ATN1: variants seen among roughly 807,000 people sequenced by gnomAD.
ATN1 encodes atrophin 1, also known as atrophin-1.
A neutral mutation model predicts 85.8 loss-of-function variants in ATN1; 19 were observed. The observed-to-expected ratio is 0.22, with a 90% CI of 0.15 to 0.32. The LOEUF (loss-of-function observed/expected upper bound fraction) is 0.32. Among genes scored for constraint, ATN1 ranks in the 10% least tolerant of loss-of-function variants. The pLI, the probability that ATN1 is intolerant of heterozygous loss-of-function variation, is 1.00. For missense variants in ATN1, 1,453 were observed against 1,564.5 expected (o/e 0.93, Z 1.20); for synonymous variants, 674 against 657.0 (o/e 1.03, Z -0.39).
At position 6,938,872 on chromosome 12, in the gene ATN1, C is replaced by T. The variant is rs2138219425; in HGVS notation, c.2909C>T (p.Pro970Leu). The T allele has an allele frequency of 6.2e-7, 1 of 1,614,128 alleles. No individual in the cohort carries two copies. The highest frequency in any genetic ancestry group is 2.2e-5 in the East Asian group (1 of 44,888). Residue 970 changes from proline to leucine, a missense_variant, in exon 7 of 10, where the codon CCC becomes CTC. Pro to Leu is a moderately conservative substitution (Grantham distance 98). This residue lies in a region of ATN1 where 208 missense variants were observed against 263.4 expected (regional missense o/e 0.79). Transcript: ENST00000396684. ...GGGGTCCCTGGGCCGGGCTTGGATCCCTTTCCCCGACATGGGGGCCTGGCT... is the reference window on the plus strand; with the variant it reads ...GGGGTCCCTGGGCCGGGCTTGGATCTCTTTCCCCGACATGGGGGCCTGGCT... ...LHGVPGPGLD[P>L]FPRHGGLALQ...
chr12:6,932,220 C>G (rs1433924103), intron 1 of ATN1, among the ~76,000 whole-genome samples: 1 of 152,104 alleles, frequency 6.6e-6, no homozygotes. Context: ...GTGAGAATTA[C>G]TGTGTTTCTT....
chr12:6,937,316 G>C lies in ATN1; in HGVS notation c.2049G>C (p.Gly683=). The C allele has an allele frequency of 6.3e-7, 1 of 1,576,966 alleles. No homozygotes were observed. The highest frequency in any genetic ancestry group is 8.6e-7 in the Non-Finnish European group (1 of 1,162,830). ...YRGTSPPAGP[G]TFKPGSPTVG... is the part of the protein sequence containing the mutation. ...GAACCTCGCCACCTGCAGGCCCAGG[G>C]ACCTTCAAGCCGGGCTCGCCCACCG... The change falls in exon 5 of 10, where the codon GGG becomes GGC. Residue 683 remains glycine, a synonymous_variant. Coordinates refer to ENST00000396684, the MANE Select transcript of ATN1 (RefSeq NM_001940.4). This position sits in a 1 kb window ranked among gnomAD's most constrained non-coding sequence, Gnocchi z 6.0.
chr12:6,927,653 CCT>C (rs1362670584), upstream of ATN1, among the ~76,000 whole-genome samples: 1 of 151,794 alleles, frequency 6.6e-6, no homozygotes, highest in Non-Finnish European at 1.5e-5. Context: ...TCCGGCTCCC[CCT>C]CTCTCCCCCC....
Position 6,938,946 on chromosome 12 carries a change from C to T in ATN1, c.2983C>T (p.Leu995=), listed in dbSNP as rs1555144305. The T allele has an allele frequency of 6.2e-7, 1 of 1,613,818 alleles. No individual in the cohort carries two copies. Among genetic ancestry groups the T allele is most frequent in the African/African-American group, 1.3e-5 (1 of 74,932 alleles). Residue 995 remains leucine, a synonymous_variant, in exon 7 of 10, where the codon CTG becomes TTG. Coordinates refer to ENST00000396684, the MANE Select transcript of ATN1 (RefSeq NM_001940.4). ...GCACCCTTTCCCCTTTCATCCGAGCCTGGGGCCCCTGGAGCGAGAACGTCT... is the reference window on the plus strand; with the variant it reads ...GCACCCTTTCCCCTTTCATCCGAGCTTGGGGCCCCTGGAGCGAGAACGTCT... ...GLHPFPFHPS[L]GPLERERLAL...
chr12:6,934,207 C>G lies in ATN1; in HGVS notation c.59C>G (p.Ala20Gly), dbSNP rs782582482. 1 of 1,599,998 alleles carries G rather than the reference C, an allele frequency of 6.3e-7. No homozygotes were observed. Among genetic ancestry groups the G allele is most frequent in the Non-Finnish European group, 8.5e-7 (1 of 1,176,628 alleles). ...MSMRSGRKKE[A>G]PGPREELRSR... ...ATGAGGAGTGGACGGAAGAAAGAGG[C>G]CCCTGGGCCCCGGGAAGAACTGAGA... The change falls in exon 3 of 10, where the codon GCC (alanine) becomes GGC (glycine). Residue 20 changes from alanine to glycine, a missense_variant. Ala to Gly is a moderately conservative substitution (Grantham distance 60, BLOSUM62 0). This residue lies in a region of ATN1 where 130 missense variants were observed against 158.2 expected (regional missense o/e 0.82). Transcript: ENST00000396684. This position sits in a 1 kb window ranked among gnomAD's most constrained non-coding sequence, Gnocchi z 4.5.
rs1555144769 is a variant in ATN1 at position 6,941,930 on chromosome 12, G to A, written c.*150G>A. ...GCAGCTGGACAGAGAGTGGGGGAGG[G>A]AGGGACAGACAGAAGGCCAAGGCCC... On this transcript the variant is annotated 3_prime_UTR_variant, in exon 10 of 10. Transcript: ENST00000396684. This position sits in a 1 kb window ranked among gnomAD's most constrained non-coding sequence, Gnocchi z 5.9. 2 of 788,362 alleles carry A rather than the reference G, an allele frequency of 2.5e-6. No individual in the cohort carries two copies. The highest frequency in any genetic ancestry group is 4.3e-6 in the Non-Finnish European group (2 of 470,298). The allele number at this position is 788,362 out of a possible 1,614,324, so 48.8% of individuals were successfully genotyped here.
At chr12:6,939,634 T>A (rs1555144406) in intron 7 of ATN1, among the ~76,000 whole-genome samples, 1 of 152,188 alleles carries the variant, frequency 6.6e-6, no homozygotes, top group Non-Finnish European at 1.5e-5. Context: ...CTGGAGTAGC[T>A]GGGATTACAG....
Position 6,938,420 on chromosome 12 carries a change from A to G in ATN1, c.2518-61A>G, listed in dbSNP as rs73262855. ...GGCTGTCGAAACAAATGGGCAGCTT[A>G]AAACCAGCCACCTCTTTTCATAACT... On this transcript the variant is annotated intron_variant, in intron 6 of 9. Transcript: ENST00000396684. 24,600 of 1,526,636 alleles carry G rather than the reference A, an allele frequency of 0.016. 2,440 individuals carry two copies. In the African/African-American group the frequency reaches 0.25, roughly 15 times the overall value. 94.6% of individuals were successfully genotyped at this position (1,526,636 alleles called of 1,614,324 possible). A position where few individuals can be genotyped will look rare whatever the true frequency, so the allele number is the denominator to read the frequency against.
rs1188798958 is a variant in ATN1 at position 6,937,348 on chromosome 12, C to T, written c.2081C>T (p.Pro694Leu). The T allele has an allele frequency of 1.1e-5, 17 of 1,552,940 alleles. No individual in the cohort carries two copies. The highest frequency in any genetic ancestry group is 1.4e-5 in the Non-Finnish European group (16 of 1,150,036). Residue 694 changes from proline to leucine, a missense_variant, in exon 5 of 10, where the codon CCT (proline) becomes CTT (leucine). By Grantham distance (98) the Pro-to-Leu change is moderately conservative. Transcript: ENST00000396684. This position sits in a 1 kb window ranked among gnomAD's most constrained non-coding sequence, Gnocchi z 6.0. ...AAGCCGGGCTCGCCCACCGTGGGAC[C>T]TGGGCCCCTGCCACCTGCGGGGCCC... ...TFKPGSPTVG[P>L]GPLPPAGPSG...
chr12:6,940,066 C>G (rs781831556), intron 7 of ATN1, among the ~76,000 whole-genome samples: 18 of 152,338 alleles, frequency 1.2e-4, no homozygotes, highest in African/African-American at 3.4e-4. Context: ...ACTGCAACCT[C>G]CGCCTCTGGG....
In ATN1 at chr12:6,935,504, C is replaced by G. The variant is rs1481393136; in HGVS notation, c.280-43C>G. 8.8e-6 allele frequency: 14 copies of G among 1,586,670 alleles called. No individual in the cohort carries two copies. The highest frequency in any genetic ancestry group is 1.7e-5 in the Admixed American group (1 of 57,880). Reference sequence around the variant, plus strand: ...AAGAGAGCCCCAAATCTCAGGGAAGCAGGAAAGGAAAAGAGAAAAAATGAG... The same window carrying G: ...AAGAGAGCCCCAAATCTCAGGGAAGGAGGAAAGGAAAAGAGAAAAAATGAG... On this transcript the variant is annotated intron_variant, in intron 4 of 9. Transcript: ENST00000396684. This position sits in a 1 kb window ranked among gnomAD's most constrained non-coding sequence, Gnocchi z 5.3.
rs782729285 is a variant in ATN1 at position 6,937,589 on chromosome 12, G to A, written c.2294+28G>A. ...GAGCGGCCAGGTGGGGCGGAGGTGGGCCTGGAAAGGGGACGACGACAAGGC... is the reference window on the plus strand; with the variant it reads ...GAGCGGCCAGGTGGGGCGGAGGTGGACCTGGAAAGGGGACGACGACAAGGC... On this transcript the variant is annotated intron_variant, in intron 5 of 9. Transcript: ENST00000396684. The surrounding 1 kb of genome is among the most constrained non-coding windows in gnomAD (Gnocchi z 6.0). 1 of 1,468,494 alleles carries A rather than the reference G, an allele frequency of 6.8e-7. No homozygotes were observed. Among genetic ancestry groups the A allele is most frequent in the Non-Finnish European group, 9.0e-7 (1 of 1,111,550 alleles). The allele number at this position is 1,468,494 out of a possible 1,614,324, so 91.0% of individuals were successfully genotyped here. A position where few individuals can be genotyped will look rare whatever the true frequency, so the allele number is the denominator to read the frequency against.
Position 6,935,739 on chromosome 12 carries a change from C to T in ATN1, c.472C>T (p.Pro158Ser), listed in dbSNP as rs782741592. 2.5e-6 allele frequency: 4 copies of T among 1,613,880 alleles called. No homozygotes were observed. The highest frequency in any genetic ancestry group is 1.3e-5 in the African/African-American group (1 of 74,980). Residue 158 changes from proline (P) to serine (S), a missense_variant, in exon 5 of 10, where the codon CCC (proline) becomes TCC (serine). Transcript: ENST00000396684. The surrounding 1 kb of genome is among the most constrained non-coding windows in gnomAD (Gnocchi z 5.3). ...TGGCCTGTCCCAGGGCCCAGCCCGC[C>T]CCTACCACCCACCTCCACTCTTTCC... Reference protein sequence around the residue: ...SSGLSQGPARPYHPPPLFPPS... With the variant: ...SSGLSQGPARSYHPPPLFPPS...
intron 1 of ATN1, among the ~76,000 whole-genome samples, chr12:6,932,090 G>A (rs1376028560): frequency 3.5e-5 from 5 of 144,478 alleles, no homozygotes; most frequent in Admixed American, 6.9e-5. Flanking sequence ...AGCATCAGTT[G>A]AAAGTTCAGA....
chr12:6,930,800 C>CAATA lies in ATN1; in HGVS notation c.-163+2443_-163+2446dup, dbSNP rs138589375. On this transcript the variant is annotated intron_variant, in intron 1 of 9. Transcript: ENST00000396684. ...TGGGTGACAGAGTGAGACTCCGTCT[C>CAATA]AATAAATAAATAAATAAATAAATAA... 2.4e-3 allele frequency among the ~76,000 whole-genome samples: 365 copies of CAATA among 149,576 alleles called. 2 individuals are homozygous for CAATA. Among genetic ancestry groups the CAATA allele is most frequent in the South Asian group, 6.8e-3 (32 of 4,730 alleles).
chr12:6,926,427 G>A (rs1591656693), upstream of ATN1, among the ~76,000 whole-genome samples: 1 of 151,532 alleles, frequency 6.6e-6, no homozygotes, highest in Non-Finnish European at 1.5e-5. Flanking sequence ...ACCTCCCCCC[G>A]CTCCCACATC....
At position 6,931,888 on chromosome 12, in the gene ATN1, A is replaced by G. The variant is rs782369972; in HGVS notation, c.-162-1952A>G. ...GTCTCTACTAAAAATACAAAAAATTAGCCGGGTGTGGTGGTGCATGCCTGT... is the reference window on the plus strand; with the variant it reads ...GTCTCTACTAAAAATACAAAAAATTGGCCGGGTGTGGTGGTGCATGCCTGT... On this transcript the variant is annotated intron_variant, in intron 1 of 9. Coordinates refer to ENST00000396684, the MANE Select transcript of ATN1 (RefSeq NM_001940.4). Among the ~76,000 whole-genome samples the G allele has an allele frequency of 7.9e-4, 120 of 150,946 alleles. 1 individual carries two copies. In the South Asian group the frequency reaches 0.025, roughly 32 times the overall value.
chr12:6,936,817 A>G lies in ATN1; in HGVS notation c.1550A>G (p.His517Arg), dbSNP rs782288066. The G allele has an allele frequency of 1.3e-5, 21 of 1,612,798 alleles. No homozygotes were observed. Among genetic ancestry groups the G allele is most frequent in the Non-Finnish European group, 1.6e-5 (19 of 1,179,648 alleles). Residue 517 changes from histidine (H) to arginine (R), a missense_variant, in exon 5 of 10, where the codon CAC becomes CGC. By Grantham distance (29) the His-to-Arg change is conservative (BLOSUM62 0). This residue lies in a region of ATN1 where 990 missense variants were observed against 914.8 expected (regional missense o/e 1.08). Coordinates refer to ENST00000396684, the MANE Select transcript of ATN1 (RefSeq NM_001940.4). ...CCCCCTCCTCCTGGAGCATTTCCCC[A>G]CCCACTGGAGGGCGGTAGCTCCCAC... is the stretch of plus-strand genomic sequence containing the variant. The part of the protein sequence containing the change: ...SGPPPPGAFP[H>R]PLEGGSSHHA...
In ATN1 at chr12:6,934,601, CTGACCCATCT is replaced by C; in HGVS notation, c.279+26_279+35del. The C allele has an allele frequency of 6.7e-7, 1 of 1,496,580 alleles. No individual in the cohort carries two copies. The highest frequency in any genetic ancestry group is 9.1e-7 in the Non-Finnish European group (1 of 1,096,604). The allele number at this position is 1,496,580 out of a possible 1,614,324, so 92.7% of individuals were successfully genotyped here. A position where few individuals can be genotyped will look rare whatever the true frequency, so the allele number is the denominator to read the frequency against. Reference sequence around the variant, plus strand: ...GAGGTGGGAAACCCTTGTCGCCATCCTGACCCATCTTGTGACCATTCTTTTCTCAGACTTG... The same window carrying C: ...GAGGTGGGAAACCCTTGTCGCCATCCTGTGACCATTCTTTTCTCAGACTTG... On this transcript the variant is annotated intron_variant, in intron 4 of 9. Coordinates refer to ENST00000396684, the MANE Select transcript of ATN1 (RefSeq NM_001940.4). This position sits in a 1 kb window ranked among gnomAD's most constrained non-coding sequence, Gnocchi z 4.5.
Sources: allele counts gnomAD v4.1 joint callset (sites outside exome capture counted in the v4.1 genomes callset), GRCh38; gene constraint gnomAD v4.1.1; regional missense constraint gnomAD v4.1.1; non-coding constraint Gnocchi (gnomAD v3.1); transcripts MANE v1.5; gene names NCBI Gene and HGNC (gene_info 2026-07-23, HGNC 2026-07-21).